NEGR1: variants seen among roughly 807,000 people sequenced by gnomAD.
The protein encoded by NEGR1 is neuronal growth regulator 1.
In NEGR1, 10 loss-of-function variants were observed where a neutral mutation model predicts 40.9. The ratio of observed to expected loss-of-function variants is 0.24; its 90% CI spans 0.15 to 0.42. The LOEUF (loss-of-function observed/expected upper bound fraction) is 0.42. NEGR1 is among the 10% of genes least tolerant of loss of function. The probability of loss-of-function intolerance (pLI) is 1.00; values close to 1 mark genes in which losing one functional copy is unlikely to be tolerated. For missense variants in NEGR1, 352 were observed against 438.9 expected, an observed-to-expected ratio of 0.80 and a Z score of 1.77; for synonymous variants, 185 against 166.8, an observed-to-expected ratio of 1.11 and a Z score of -0.84.
intron 1 of NEGR1, among the ~76,000 whole-genome samples, chr1:72,058,040 T>G (rs1350808529): frequency 6.6e-6 from 1 of 151,504 alleles, no homozygotes; most frequent in African/African-American, 2.4e-5. Flanking sequence ...TTTTTCCTGA[T>G]TATTTACTGA....
chr1:71,815,690 A>G (rs187437924), intron 2 of NEGR1, among the ~76,000 whole-genome samples: 8 of 152,050 alleles, frequency 5.3e-5, no homozygotes, highest in Middle Eastern at 3.4e-3. Flanking sequence ...TTTACTATAT[A>G]ACATTGACTG....
chr1:71,634,236 C>A (rs1220300805), intron 4 of NEGR1, among the ~76,000 whole-genome samples: 2 of 152,026 alleles, frequency 1.3e-5, no homozygotes, highest in East Asian at 3.9e-4. Flanking sequence ...GAAACAGAGT[C>A]ATTTTGTACA....
intron 1 of NEGR1, among the ~76,000 whole-genome samples, chr1:72,010,120 G>A (rs1646643357): frequency 6.6e-6 from 1 of 152,078 alleles, no homozygotes; most frequent in Non-Finnish European, 1.5e-5. Context: ...TTTGCTATTG[G>A]AGAAAAGGAA....
intron 1 of NEGR1, among the ~76,000 whole-genome samples, chr1:72,178,580 T>C (rs1370151824): frequency 6.6e-6 from 1 of 151,838 alleles, no homozygotes; most frequent in East Asian, 1.9e-4. Context: ...CTCCTTTGGT[T>C]AGGAGAATCC....
chr1:71,574,899 G>A (rs977807127), intron 6 of NEGR1, among the ~76,000 whole-genome samples: 12 of 152,146 alleles, frequency 7.9e-5, no homozygotes, highest in African/African-American at 2.9e-4. Flanking sequence ...GGTCCATTTA[G>A]TTTTAATAAT....
chr1:71,853,219 T>C (rs1488101887), intron 2 of NEGR1, among the ~76,000 whole-genome samples: 1 of 152,132 alleles, frequency 6.6e-6, no homozygotes, highest in Non-Finnish European at 1.5e-5. Flanking sequence ...ATGCATAATT[T>C]TTATCAATCT....
At chr1:71,887,717 G>A (rs1248612700) in intron 2 of NEGR1, among the ~76,000 whole-genome samples, 1 of 152,058 alleles carries the variant, frequency 6.6e-6, no homozygotes, top group Non-Finnish European at 1.5e-5. Flanking sequence ...CTTTACAGTA[G>A]TATAGGACAC....
At position 71,552,312 on chromosome 1, in the gene NEGR1, T is replaced by TTA. The variant is rs58719904; in HGVS notation, c.940+40503_940+40504dup. ...TGATTCTCATCCTGTGGCCCTTCTA[T>TTA]TATATATATATATATAATATAGGGA... is the stretch of plus-strand genomic sequence containing the variant. On this transcript the variant is annotated intron_variant, in intron 6 of 6. Transcript: ENST00000357731. Among the ~76,000 whole-genome samples the TTA allele has an allele frequency of 5.7e-3, 847 of 147,660 alleles. 10 individuals are homozygous for TTA. Among genetic ancestry groups the TTA allele is most frequent in the South Asian group, 0.047 (224 of 4,724 alleles).
chr1:71,752,389 T>C (rs1340686882), intron 3 of NEGR1, among the ~76,000 whole-genome samples: 2 of 151,984 alleles, frequency 1.3e-5, no homozygotes, highest in East Asian at 1.9e-4. Context: ...GGGAAAGGGA[T>C]TTTTCCCACA....
chr1:72,262,015 T>C (rs1264925572), intron 1 of NEGR1, among the ~76,000 whole-genome samples: 1 of 151,996 alleles, frequency 6.6e-6, no homozygotes, highest in Non-Finnish European at 1.5e-5. Flanking sequence ...AATCTATTTG[T>C]TTTAAAAAGA....
intron 1 of NEGR1, among the ~76,000 whole-genome samples, chr1:71,983,033 C>T (rs1000934205): frequency 3.9e-5 from 6 of 151,952 alleles, no homozygotes; most frequent in African/African-American, 1.5e-4. Context: ...GCTGCACATG[C>T]TACCTGGATT....
chr1:71,590,274 T>C (rs935936172), intron 6 of NEGR1, among the ~76,000 whole-genome samples: 3 of 152,166 alleles, frequency 2.0e-5, no homozygotes, highest in Admixed American at 2.0e-4. Flanking sequence ...ATTGCTAAGA[T>C]GATGTTTTGA....
At chr1:72,090,559 T>A (rs1475566840) in intron 1 of NEGR1, among the ~76,000 whole-genome samples, 1 of 152,096 alleles carries the variant, frequency 6.6e-6, no homozygotes, top group Admixed American at 6.6e-5. Flanking sequence ...AAGTGCCTAA[T>A]TTTTTTCTCC....
intron 6 of NEGR1, among the ~76,000 whole-genome samples, chr1:71,527,320 C>A (rs1647228430): frequency 6.6e-6 from 1 of 151,332 alleles, no homozygotes; most frequent in African/African-American, 2.4e-5. Context: ...AGTTTCCCTA[C>A]TTTTCTAAAG....
intron 1 of NEGR1, among the ~76,000 whole-genome samples, chr1:71,947,127 C>CACAA (rs981864702): frequency 9.3e-5 from 13 of 139,622 alleles, no homozygotes; most frequent in African/African-American, 3.7e-4. Context: ...CACACACACA[C>CACAA]ACACGTATAT....
chr1:72,266,724 AACACACACACACAC>A (rs3082237), intron 1 of NEGR1, among the ~76,000 whole-genome samples: 9 of 133,724 alleles, frequency 6.7e-5, no homozygotes, highest in African/African-American at 1.9e-4. Context: ...TAGACAGATA[AACACACACACACAC>A]ACACACACAC....
At chr1:72,075,523 T>G (rs145924087) in intron 1 of NEGR1, among the ~76,000 whole-genome samples, 2 of 152,268 alleles carry the variant, frequency 1.3e-5, no homozygotes, top group African/African-American at 4.8e-5. Flanking sequence ...AGGCACAATT[T>G]AAAAAATATT....
At chr1:71,624,041 C>T (rs1195124530) in intron 4 of NEGR1, among the ~76,000 whole-genome samples, 1 of 151,860 alleles carries the variant, frequency 6.6e-6, no homozygotes, top group African/African-American at 2.4e-5. Flanking sequence ...AGAAATGCAG[C>T]TGATACTCTC....
At chr1:71,411,348 G>A (rs1646319104) in intron 6 of NEGR1, among the ~76,000 whole-genome samples, 1 of 152,112 alleles carries the variant, frequency 6.6e-6, no homozygotes, top group Non-Finnish European at 1.5e-5. Flanking sequence ...TAGGAAGACA[G>A]CATGTACTGA....
Sources: gnomAD v4.1 joint callset for allele counts (sites outside exome capture counted in the v4.1 genomes callset) on GRCh38, gnomAD v4.1.1 for gene constraint, MANE v1.5 for transcripts, NCBI Gene and HGNC (gene_info 2026-07-23, HGNC 2026-07-21) for gene names.